The following SETD1A variants were observed in gnomAD, a reference collection of about 807,000 sequenced individuals.
The protein encoded by SETD1A is SET domain containing 1A, histone lysine methyltransferase.
A neutral mutation model predicts 149.9 loss-of-function variants in SETD1A; 29 were observed. The ratio of observed to expected loss-of-function variants is 0.19; its 90% CI spans 0.14 to 0.26. SETD1A has a LOEUF of 0.26. SETD1A is among the 10% of genes least tolerant of loss of function. The pLI is 1.00. For synonymous variants in SETD1A, 1,141 were observed against 968.5 expected, an observed-to-expected ratio of 1.18 and a Z score of -3.31; for missense variants, 2,109 against 2,353.1, an observed-to-expected ratio of 0.90 and a Z score of 2.15.
rs2056056987 is a variant in SETD1A, at chr16:30,961,878, C to T, written c.517+341C>T. Among the ~76,000 whole-genome samples the T allele has an allele frequency of 6.6e-6, 1 of 150,616 alleles. No individual in the cohort carries two copies. Among genetic ancestry groups the T allele is most frequent in the South Asian group, 2.1e-4 (1 of 4,796 alleles). ...CTTGGTTGGTTTTTGAGACAGGATCCTGCTCTGTCACCTAGGCTGGAGAGC... is the reference window on the plus strand; with the variant it reads ...CTTGGTTGGTTTTTGAGACAGGATCTTGCTCTGTCACCTAGGCTGGAGAGC... On this transcript the variant is annotated intron_variant, in intron 4 of 18. Coordinates refer to ENST00000262519, the MANE Select transcript of SETD1A (RefSeq NM_014712.3). The surrounding 1 kb of genome is among the most constrained non-coding windows in gnomAD (Gnocchi z 4.0).
chr16:30,979,548 G>A lies in SETD1A; in HGVS notation c.3762G>A (p.Ala1254=), dbSNP rs757348350. 6.2e-7 allele frequency: 1 copy of A among 1,608,796 alleles called. No homozygotes were observed. Among genetic ancestry groups the A allele is most frequent in the Non-Finnish European group, 8.5e-7 (1 of 1,178,830 alleles). Residue 1254 remains alanine (A), a synonymous_variant, in exon 14 of 19, where the codon GCG becomes GCA. Coordinates refer to ENST00000262519, the MANE Select transcript of SETD1A (RefSeq NM_014712.3). ...EAEPGTEVDL[A]VLADLALTPA... is the part of the protein sequence containing the mutation. Reference sequence around the variant, plus strand: ...AGCCAGGGACAGAGGTGGACCTGGCGGTCCTGGCCGACCTGGCCCTGACCC... The same window carrying A: ...AGCCAGGGACAGAGGTGGACCTGGCAGTCCTGGCCGACCTGGCCCTGACCC...
At chr16:30,968,973 G>C (rs1047409724) in intron 10 of SETD1A, among the ~76,000 whole-genome samples, 1 of 151,632 alleles carries the variant, frequency 6.6e-6, no homozygotes, top group Non-Finnish European at 1.5e-5. Context: ...GGGTATGATT[G>C]CATGCCCCTG....
intron 13 of SETD1A, among the ~76,000 whole-genome samples, chr16:30,977,873 G>A (rs1327193430): frequency 6.6e-6 from 1 of 152,218 alleles, no homozygotes; most frequent in East Asian, 1.9e-4. Flanking sequence ...CAGTGAGTCC[G>A]TGGGCTGCAG....
At chr16:30,960,351 C>T (rs189654677) in intron 3 of SETD1A, among the ~76,000 whole-genome samples, 5 of 152,320 alleles carry the variant, frequency 3.3e-5, no homozygotes, top group East Asian at 1.9e-4. Context: ...TAACGCTTTG[C>T]GGTTTTTCAA....
chr16:30,981,870 G>A (rs888925026), intron 17 of SETD1A, among the ~76,000 whole-genome samples: 4 of 152,184 alleles, frequency 2.6e-5, no homozygotes, highest in Non-Finnish European at 4.4e-5. Flanking sequence ...AGGATCACTC[G>A]AGACCACGAG....
In SETD1A at chr16:30,971,507, C is replaced by G; in HGVS notation, c.3146C>G (p.Ser1049Cys). ...TCCTCATCCTCCTCCTCCTCCTCGTCCTCATCCTCCTCGTCCTCTTCATCC... is the reference window on the plus strand; with the variant it reads ...TCCTCATCCTCCTCCTCCTCCTCGTGCTCATCCTCCTCGTCCTCTTCATCC... ...SSSSSSSSSS[S>C]SSSSSSSSSE... is the part of the protein sequence containing the mutation. The change falls in exon 13 of 19, where the codon TCC becomes TGC. Residue 1049 changes from serine (S) to cysteine (C), a missense_variant. Physicochemically the swap from Ser to Cys is moderately radical, Grantham distance 112 (BLOSUM62 -1). This residue lies in a region of SETD1A where 832 missense variants were observed against 815.6 expected (regional missense o/e 1.02). Transcript: ENST00000262519. The G allele has an allele frequency of 1.2e-6, 2 of 1,613,940 alleles. No homozygotes were observed. Among genetic ancestry groups the G allele is most frequent in the Non-Finnish European group, 1.7e-6 (2 of 1,179,918 alleles).
chr16:30,961,603 T>G lies in SETD1A; in HGVS notation c.517+66T>G. 1 of 1,506,730 alleles carries G rather than the reference T, an allele frequency of 6.6e-7. No individual in the cohort carries two copies. Among genetic ancestry groups the G allele is most frequent in the Non-Finnish European group, 9.1e-7 (1 of 1,099,334 alleles). 93.3% of individuals were successfully genotyped at this position (1,506,730 alleles called of 1,614,324 possible). On this transcript the variant is annotated intron_variant, in intron 4 of 18. Coordinates refer to ENST00000262519, the MANE Select transcript of SETD1A (RefSeq NM_014712.3). This position sits in a 1 kb window ranked among gnomAD's most constrained non-coding sequence, Gnocchi z 4.0. Reference sequence around the variant, plus strand: ...CGGAGGTTGTACATGCAAATGCCTGTCAGGGTCAGGCAGGCGCCCAGGGTC... The same window carrying G: ...CGGAGGTTGTACATGCAAATGCCTGGCAGGGTCAGGCAGGCGCCCAGGGTC...
At chr16:30,968,487 T>C (rs1455179472) in intron 10 of SETD1A, among the ~76,000 whole-genome samples, 3 of 151,574 alleles carry the variant, frequency 2.0e-5, no homozygotes, top group African/African-American at 7.3e-5. Flanking sequence ...CACATATATA[T>C]ATACACACAC....
intron 4 of SETD1A, 147 bp from the exon 5 acceptor site, chr16:30,963,286 G>A (rs988722635): frequency 3.1e-6 from 2 of 639,592 alleles, no homozygotes; most frequent in Non-Finnish European, 5.2e-6. Flanking sequence ...AGGTCCCAAA[G>A]GTAGAGTTAT....
At chr16:30,967,136 C>T (rs1296771961) in intron 9 of SETD1A, 76 bp downstream of exon 9, 1 of 1,107,370 alleles carries the variant, frequency 9.0e-7, no homozygotes, top group East Asian at 2.5e-5. Flanking sequence ...TAGGGGTGGT[C>T]AGGAACCATG....
rs750914301 is a variant in SETD1A, at chr16:30,969,589, C to G, written c.2929-13C>G. 2 of 1,613,298 alleles carry G rather than the reference C, an allele frequency of 1.2e-6. No homozygotes were observed. Among genetic ancestry groups the G allele is most frequent in the South Asian group, 2.2e-5 (2 of 91,032 alleles). On this transcript the variant is annotated splice_polypyrimidine_tract_variant and intron_variant, in intron 11 of 18. Coordinates refer to ENST00000262519, the MANE Select transcript of SETD1A (RefSeq NM_014712.3). ...CCCCTTCCTGTTAGTCCTCATTTGT[C>G]TTTTTTCTTAAGGATGAGGAGGATG... is the stretch of plus-strand genomic sequence containing the variant.
Position 30,963,468 on chromosome 16 carries a change from A to G in SETD1A, c.553A>G (p.Asn185Asp), listed in dbSNP as rs1254845820. Residue 185 changes from asparagine to aspartate, a missense_variant, in exon 5 of 19, where the codon AAT becomes GAT. Physicochemically the swap from Asn to Asp is conservative, Grantham distance 23. Around this residue, in one of 8 missense-constraint regions of SETD1A, gnomAD observed 62 missense variants for 149.5 expected, o/e 0.41. Coordinates refer to ENST00000262519, the MANE Select transcript of SETD1A (RefSeq NM_014712.3). The part of the protein sequence containing the change: ...QRMKYYELIV[N>D]GSYTPQTVPT... The stretch of plus-strand genomic sequence containing the variant: ...AATGAAATACTATGAACTAATTGTC[A>G]ATGGCTCCTACACCCCTCAGACTGT... 3.7e-6 allele frequency: 6 copies of G among 1,612,764 alleles called. No homozygotes were observed. The highest frequency in any genetic ancestry group is 1.7e-5 in the Admixed American group (1 of 59,904).
Position 30,966,066 on chromosome 16 carries a change from C to A in SETD1A, c.2185C>A (p.Pro729Thr). The A allele has an allele frequency of 6.3e-7, 1 of 1,580,398 alleles. No individual in the cohort carries two copies. Residue 729 changes from proline (P) to threonine (T), a missense_variant, in exon 8 of 19, where the codon CCG (proline) becomes ACG (threonine). By Grantham distance (38) the Pro-to-Thr change is conservative (BLOSUM62 -1). Transcript: ENST00000262519. ...CCCGCAGGAGGCAGCCTACGGCTTGCCGTATGCTCTATATGCACAGGGGCA... is the reference window on the plus strand; with the variant it reads ...CCCGCAGGAGGCAGCCTACGGCTTGACGTATGCTCTATATGCACAGGGGCA... ...PPPQEAAYGLPYALYAQGQEG... is the reference protein window; with the variant it reads ...PPPQEAAYGLTYALYAQGQEG...
chr16:30,962,172 C>T (rs907714921), intron 4 of SETD1A, among the ~76,000 whole-genome samples: 4 of 150,682 alleles, frequency 2.7e-5, no homozygotes, highest in Non-Finnish European at 5.9e-5. Context: ...TCAAGTGATT[C>T]TTCTGCCTCA....
At position 30,969,360 on chromosome 16, in the gene SETD1A, G is replaced by A. The variant is rs370297411; in HGVS notation, c.2826G>A (p.Pro942=). 145 of 1,614,208 alleles carry A rather than the reference G, an allele frequency of 9.0e-5. No individual in the cohort carries two copies. In the South Asian group the frequency reaches 1.2e-3, roughly 13 times the overall value. ...GEPGRPGTKP[P]KRDEERGKTQ... is the part of the protein sequence containing the mutation. ...CAGGACGTCCGGGGACCAAGCCCCC[G>A]AAGCGGGACGAAGAGCGAGGCAAGA... The change falls in exon 11 of 19, where the codon CCG becomes CCA. Residue 942 remains proline, a synonymous_variant. Coordinates refer to ENST00000262519, the MANE Select transcript of SETD1A (RefSeq NM_014712.3).
In SETD1A at chr16:30,964,202, T is replaced by C. The variant is rs1446590763; in HGVS notation, c.748T>C (p.Ser250Pro). The C allele has an allele frequency of 6.2e-7, 1 of 1,614,050 alleles. No homozygotes were observed. Among genetic ancestry groups the C allele is most frequent in the Non-Finnish European group, 8.5e-7 (1 of 1,179,980 alleles). The change falls in exon 6 of 19, where the codon TCC becomes CCC. Residue 250 changes from serine (S) to proline (P), a missense_variant. Ser to Pro is a moderately conservative substitution (Grantham distance 74, BLOSUM62 -1). This residue lies in a region of SETD1A where 410 missense variants were observed against 394.8 expected (regional missense o/e 1.04). Transcript: ENST00000262519. ...CCCCTGCTCCCAGGACACAAGCTTC[T>C]CCAGCAGCCGACAAGATACCCCATC... Reference protein sequence around the residue: ...GTPCSQDTSFSSSRQDTPSSF... With the variant: ...GTPCSQDTSFPSSRQDTPSSF...
At chr16:30,967,449 C>T (rs2056163599) in intron 9 of SETD1A, 52 bp from the exon 10 acceptor site, 1 of 1,549,852 alleles carries the variant, frequency 6.5e-7, no homozygotes, top group South Asian at 1.1e-5. Context: ...CCACCGTGCT[C>T]TGCCTGAGTG....
chr16:30,979,421 T>A lies in SETD1A; in HGVS notation c.3635T>A (p.Leu1212Gln). 3.1e-6 allele frequency: 5 copies of A among 1,610,380 alleles called. No individual in the cohort carries two copies. The highest frequency in any genetic ancestry group is 4.2e-6 in the Non-Finnish European group (5 of 1,178,530). The change falls in exon 14 of 19, where the codon CTG becomes CAG. Residue 1212 changes from leucine (L) to glutamine (Q), a missense_variant. Physicochemically the swap from Leu to Gln is moderately radical, Grantham distance 113. Coordinates refer to ENST00000262519, the MANE Select transcript of SETD1A (RefSeq NM_014712.3). ...GVERTIRNLP[L>Q]DHASLVKSWP... ...GAGCGGACCATCCGCAACCTGCCCC[T>A]GGACCACGCATCTCTGGTCAAGAGT... is the stretch of plus-strand genomic sequence containing the variant.
Position 30,961,198 on chromosome 16 carries a change from A to C in SETD1A, c.247-69A>C. On this transcript the variant is annotated intron_variant, in intron 3 of 18. Transcript: ENST00000262519. The surrounding 1 kb of genome is among the most constrained non-coding windows in gnomAD (Gnocchi z 4.0). Reference sequence around the variant, plus strand: ...CTCTTGACTTCATGGAGCTTGCTAAAGTTTCCCGAAGGACAAAGGAACAGT... The same window carrying C: ...CTCTTGACTTCATGGAGCTTGCTAACGTTTCCCGAAGGACAAAGGAACAGT... 1 of 1,524,052 alleles carries C rather than the reference A, an allele frequency of 6.6e-7. No individual in the cohort carries two copies. The highest frequency in any genetic ancestry group is 1.4e-5 in the African/African-American group (1 of 71,916). 94.4% of individuals were successfully genotyped at this position (1,524,052 alleles called of 1,614,324 possible). A position where few individuals can be genotyped will look rare whatever the true frequency, so the allele number is the denominator to read the frequency against.
Sources: gnomAD v4.1 joint callset for allele counts (sites outside exome capture counted in the v4.1 genomes callset) on GRCh38, gnomAD v4.1.1 for gene constraint, gnomAD v4.1.1 regional missense constraint, Gnocchi (gnomAD v3.1) non-coding constraint, MANE v1.5 for transcripts, NCBI Gene and HGNC (gene_info 2026-07-23, HGNC 2026-07-21) for gene names.